The following DUSP15 variants were observed in gnomAD, a reference collection of about 807,000 sequenced individuals.
DUSP15 encodes dual specificity protein phosphatase 15.
In DUSP15, 23 loss-of-function variants were observed where a neutral mutation model predicts 26.3. The ratio of observed to expected loss-of-function variants is 0.87; its 90% CI spans 0.63 to 1.24. The LOEUF (loss-of-function observed/expected upper bound fraction) is 1.24. DUSP15 is among the 50% of genes most tolerant of loss of function. The probability of loss-of-function intolerance (pLI) is 0.00; values close to 1 mark genes in which losing one functional copy is unlikely to be tolerated. For missense variants in DUSP15, 364 were observed against 320.6 expected (o/e 1.14, Z -1.03); for synonymous variants, 143 against 135.5 (o/e 1.06, Z -0.39).
chr20:31,867,631 G>GTT (rs57662463), intron 2 of DUSP15, among the ~76,000 whole-genome samples: 2,281 of 77,606 alleles, frequency 0.029, 343 homozygotes, highest in Non-Finnish European at 0.031. Flanking sequence ...TGCCCACAAT[G>GTT]TTTTTTTTTT....
downstream of DUSP15, among the ~76,000 whole-genome samples, chr20:31,857,682 G>A (rs1013145146): frequency 2.6e-5 from 4 of 151,948 alleles, no homozygotes; most frequent in Admixed American, 6.6e-5. Context: ...CAATACCTTC[G>A]CCTCTTCACC....
At chr20:31,864,846 G>T in intron 4 of DUSP15, 107 bp downstream of exon 4, 2 of 1,200,810 alleles carry the variant, frequency 1.7e-6, no homozygotes, top group African/African-American at 1.5e-5. Flanking sequence ...GAACACCTGT[G>T]ATAGCTCTCT....
intron 1 of DUSP15, chr20:31,869,957 A>C: frequency 7.4e-7 from 1 of 1,355,180 alleles, no homozygotes; most frequent in East Asian, 2.8e-5. Flanking sequence ...TGACAGGCAG[A>C]GGCGGGACAG....
intron 6 of DUSP15, among the ~76,000 whole-genome samples, chr20:31,853,498 G>C (rs2062509148): frequency 6.6e-6 from 1 of 151,838 alleles, no homozygotes; most frequent in South Asian, 2.1e-4. Flanking sequence ...TGTAAAAGGA[G>C]TGAGACCCTG....
chr20:31,866,945 G>T, intron 3 of DUSP15, 126 bp downstream of exon 3: 1 of 939,126 alleles, frequency 1.1e-6, no homozygotes, highest in Non-Finnish European at 1.6e-6. Context: ...ATGGCCCAGT[G>T]GTGGAGACCA....
At chr20:31,855,818 G>A (rs1378925631) in intron 6 of DUSP15, among the ~76,000 whole-genome samples, 2 of 152,162 alleles carry the variant, frequency 1.3e-5, no homozygotes, top group Non-Finnish European at 2.9e-5. Flanking sequence ...AAATTCACAG[G>A]GAAAGTTGTT....
intron 3 of DUSP15, among the ~76,000 whole-genome samples, chr20:31,866,506 C>T (rs1207106283): frequency 1.3e-5 from 2 of 152,226 alleles, no homozygotes; most frequent in Non-Finnish European, 2.9e-5. Flanking sequence ...GGATTTATTA[C>T]TTTCCTCTGC....
intron 3 of DUSP15, among the ~76,000 whole-genome samples, chr20:31,865,700 A>T (rs2062751561): frequency 6.6e-6 from 1 of 152,162 alleles, no homozygotes; most frequent in Non-Finnish European, 1.5e-5. Context: ...GCTTTGTGTG[A>T]GATTCCAGCC....
chr20:31,870,018 G>A lies in DUSP15; in HGVS notation c.21+299C>T. The A allele has an allele frequency of 7.5e-7, 1 of 1,328,238 alleles. No individual in the cohort carries two copies. The highest frequency in any genetic ancestry group is 9.6e-7 in the Non-Finnish European group (1 of 1,040,854). 82.3% of individuals were successfully genotyped at this position (1,328,238 alleles called of 1,614,324 possible). On this transcript the variant is annotated intron_variant, in intron 1 of 6. Coordinates refer to ENST00000339738, the MANE Select transcript of DUSP15 (RefSeq NM_080611.5). This position sits in a 1 kb window ranked among gnomAD's most constrained non-coding sequence, Gnocchi z 6.6. ...CCGAGGAGTCAGCGACAAGGGAGAG[G>A]GACACATGCAGACGGAGAGCAGGAC...
downstream of DUSP15, among the ~76,000 whole-genome samples, chr20:31,857,955 C>G (rs548844453): frequency 6.6e-6 from 1 of 152,094 alleles, no homozygotes; most frequent in Non-Finnish European, 1.5e-5. Context: ...TGGTGCAGGT[C>G]GTGGCAGCCT....
At chr20:31,867,020 G>C (rs750094622) in intron 3 of DUSP15, 51 bp downstream of exon 3, 5 of 1,504,708 alleles carry the variant, frequency 3.3e-6, no homozygotes, top group Non-Finnish European at 4.5e-6. Context: ...TTGATAAACA[G>C]GTCTGCACCC....
Position 31,861,140 on chromosome 20 carries a change from C to A in DUSP15, c.*263G>T. 7.7e-7 allele frequency: 1 copy of A among 1,302,466 alleles called. No homozygotes were observed. Among genetic ancestry groups the A allele is most frequent in the Non-Finnish European group, 9.7e-7 (1 of 1,029,886 alleles). 80.7% of individuals were successfully genotyped at this position (1,302,466 alleles called of 1,614,324 possible). ...ACCCTCCACTCTCCCTCCCTCCCCT[C>A]CCGCCGCCTTTAAGGGTGGGCCCCC... is the stretch of plus-strand genomic sequence containing the variant. On this transcript the variant is annotated 3_prime_UTR_variant, in exon 7 of 7. Transcript: ENST00000339738.
rs1446010963 is a variant in DUSP15 at position 31,850,578 on chromosome 20, A to G, written c.491+34T>C. 2.5e-6 allele frequency: 4 copies of G among 1,596,072 alleles called. No homozygotes were observed. In the Admixed American group the frequency reaches 5.3e-5, roughly 21 times the overall value. On this transcript the variant is annotated intron_variant, in intron 7 of 9. Coordinates refer to the DUSP15 transcript ENST00000278979. The stretch of plus-strand genomic sequence containing the variant: ...CCCGCGGCCGTCCCCAGTTCAGCAC[A>G]CTGGTCGGAGGGGAGGGGATTTCGA...
downstream of DUSP15, among the ~76,000 whole-genome samples, chr20:31,858,769 G>C (rs4911534): frequency 0.21 from 31,874 of 152,138 alleles, 3,525 homozygotes; most frequent in South Asian, 0.34. The surrounding 1 kb of genome is among the most constrained non-coding windows in gnomAD (Gnocchi z 4.4). Flanking sequence ...GAAAGGCACA[G>C]GGATTCTCAA....
intron 6 of DUSP15, among the ~76,000 whole-genome samples, chr20:31,862,011 C>G (rs971674063): frequency 1.3e-5 from 2 of 151,938 alleles, no homozygotes; most frequent in Non-Finnish European, 2.9e-5. Flanking sequence ...CACTTTGCAC[C>G]TCTGTGCTCA....
rs376427119 is a variant in DUSP15, at chr20:31,861,495, G to A, written c.616C>T (p.Arg206Trp). The A allele has an allele frequency of 2.0e-5, 31 of 1,533,436 alleles. No homozygotes were observed. The highest frequency in any genetic ancestry group is 2.5e-5 in the East Asian group (1 of 39,876). 95.0% of individuals were successfully genotyped at this position (1,533,436 alleles called of 1,614,324 possible). A position where few individuals can be genotyped will look rare whatever the true frequency, so the allele number is the denominator to read the frequency against. Residue 206 changes from arginine to tryptophan, a missense_variant, in exon 7 of 7, where the codon CGG (arginine) becomes TGG (tryptophan). Arg to Trp is a moderately radical substitution (Grantham distance 101). Transcript: ENST00000339738. ...TVQRLVPRTP[R>W]EAHRPLPLLA... ...AGCGGCAGCGGCCGGTGGGCTTCCC[G>A]GGGCGTGCGCGGCACCAGGCGCTGC...
At chr20:31,866,402 A>G in intron 3 of DUSP15, among the ~76,000 whole-genome samples, 1 of 152,216 alleles carries the variant, frequency 6.6e-6, no homozygotes, top group African/African-American at 2.4e-5. Context: ...TTTACAGATC[A>G]GGCAACTGAG....
At chr20:31,848,938 CTA>C in intron 8 of DUSP15, 1 of 1,562,018 alleles carries the variant, frequency 6.4e-7, no homozygotes, top group Non-Finnish European at 8.8e-7. Flanking sequence ...GACACTGAGA[CTA>C]TAGGGACTGG....
At chr20:31,849,496 C>G in intron 8 of DUSP15, 1 of 738,092 alleles carries the variant, frequency 1.4e-6, no homozygotes, top group Non-Finnish European at 2.5e-6. Context: ...CCTTATGCCC[C>G]CGTTCCCACG....
Sources: allele counts gnomAD v4.1 joint callset (sites outside exome capture counted in the v4.1 genomes callset), GRCh38; gene constraint gnomAD v4.1.1; non-coding constraint Gnocchi (gnomAD v3.1); transcripts MANE v1.5; gene names NCBI Gene and HGNC (gene_info 2026-07-23, HGNC 2026-07-21).